Variants in AOAH observed in about 807,000 individuals in gnomAD.
The protein encoded by AOAH is acyloxyacyl hydrolase (neutrophil).
AOAH carries 64 observed loss-of-function variants against 92.2 expected under a neutral mutation model. That is an observed-to-expected ratio of 0.69 (90% confidence interval 0.57 to 0.86). The LOEUF (loss-of-function observed/expected upper bound fraction) is 0.86, where lower values mean the gene tolerates loss of function less well. Among genes scored for constraint, AOAH ranks in the 40% least tolerant of loss-of-function variants. The probability of loss-of-function intolerance (pLI) is 0.00; values close to 1 mark genes in which losing one functional copy is unlikely to be tolerated. For synonymous variants in AOAH, 263 were observed against 254.5 expected (o/e 1.03, Z -0.32); for missense variants, 656 against 694.6 (o/e 0.94, Z 0.62).
intron 19 of AOAH, among the ~76,000 whole-genome samples, chr7:36,524,649 C>A (rs1784300519): frequency 6.6e-6 from 1 of 151,804 alleles, no homozygotes; most frequent in Non-Finnish European, 1.5e-5. Context: ...GCACTTCAGC[C>A]CGGGAGACAG....
At chr7:36,526,967 G>A (rs935020010) in intron 19 of AOAH, among the ~76,000 whole-genome samples, 8 of 152,230 alleles carry the variant, frequency 5.3e-5, no homozygotes, top group Non-Finnish European at 1.2e-4. Flanking sequence ...AGGGCAGCTG[G>A]AGGTATATTT....
rs137960100 is a variant in AOAH at position 36,616,208 on chromosome 7, C to G, written c.846+172G>C. On this transcript the variant is annotated intron_variant, in intron 11 of 20. Coordinates refer to ENST00000617537, the MANE Select transcript of AOAH (RefSeq NM_001637.4). ...AGGCTGGGGAGGTGAGTAGAAGGAACCTTTTGCCATTTGTCTAGGACTGAA... is the reference window on the plus strand; with the variant it reads ...AGGCTGGGGAGGTGAGTAGAAGGAAGCTTTTGCCATTTGTCTAGGACTGAA... Among the ~76,000 whole-genome samples the G allele has an allele frequency of 2.0e-3, 302 of 152,260 alleles. 6 individuals are homozygous for G. The East Asian group carries it at 0.043, about 21-fold the overall frequency.
intron 11 of AOAH, among the ~76,000 whole-genome samples, chr7:36,615,806 T>C (rs1400368460): frequency 6.6e-6 from 1 of 152,040 alleles, no homozygotes; most frequent in African/African-American, 2.4e-5. Context: ...TGATATAGAG[T>C]CAATAAATGT....
At chr7:36,687,586 G>T (rs377175086) in intron 1 of AOAH, among the ~76,000 whole-genome samples, 2 of 151,176 alleles carry the variant, frequency 1.3e-5, no homozygotes, top group East Asian at 3.9e-4. Context: ...GTATAAACAA[G>T]TGGTTGGTCA....
At chr7:36,534,004 GT>G (rs1784858758) in intron 16 of AOAH, among the ~76,000 whole-genome samples, 1 of 152,080 alleles carries the variant, frequency 6.6e-6, no homozygotes, top group South Asian at 2.1e-4. Flanking sequence ...GCCCTGGTGT[GT>G]CCCCTCCCCC....
At chr7:36,648,021 G>A (rs1158106076) in intron 4 of AOAH, among the ~76,000 whole-genome samples, 1 of 151,812 alleles carries the variant, frequency 6.6e-6, no homozygotes, top group African/African-American at 2.4e-5. Flanking sequence ...AGTAGAGATG[G>A]GGGTTTCACC....
intron 2 of AOAH, among the ~76,000 whole-genome samples, chr7:36,678,578 TGTGTGTGTGTGTGTGTGTGTGTGC>T (rs1026252633): frequency 7.8e-6 from 1 of 127,448 alleles, no homozygotes; most frequent in Non-Finnish European, 1.6e-5. Context: ...TGTGTGTGTG[TGTGTGTGTGTGTGTGTGTGTGTGC>T]GCGCGCGCGC....
At chr7:36,710,444 G>A (rs901616542) in intron 1 of AOAH, among the ~76,000 whole-genome samples, 2 of 152,180 alleles carry the variant, frequency 1.3e-5, no homozygotes, top group Middle Eastern at 3.2e-3. Flanking sequence ...GCAAGGAACC[G>A]TATTCTGCCA....
At chr7:36,556,664 G>A in intron 13 of AOAH, among the ~76,000 whole-genome samples, 1 of 141,046 alleles carries the variant, frequency 7.1e-6, no homozygotes, top group Non-Finnish European at 1.5e-5. Flanking sequence ...GAATCTGGGT[G>A]CTCCTGTATT....
intron 13 of AOAH, among the ~76,000 whole-genome samples, chr7:36,567,228 C>T (rs1197587066): frequency 2.6e-5 from 4 of 152,216 alleles, no homozygotes; most frequent in Non-Finnish European, 4.4e-5. Context: ...ATTGAGGTTG[C>T]TGCAGGCTCA....
rs1790155709 is a variant in AOAH, at chr7:36,513,369, C to T, written c.1611G>A (p.Leu537=). 3.1e-6 allele frequency: 5 copies of T among 1,613,844 alleles called. No individual in the cohort carries two copies. The highest frequency in any genetic ancestry group is 1.7e-4 in the Middle Eastern group (1 of 6,058). The change falls in exon 21 of 21, where the codon CTG becomes CTA. Residue 537 remains leucine (L), a synonymous_variant. Transcript: ENST00000617537. ...TTTTCCAGAAATGATCCGCCAACAA[C>T]AGCAAAGCCACCTGTGAGAGAGAAC... is the stretch of plus-strand genomic sequence containing the variant. ...DGFHPNEVAL[L]LLADHFWKKV...
At position 36,614,712 on chromosome 7, in the gene AOAH, A is replaced by G. The variant is rs73340103; in HGVS notation, c.846+1668T>C. 0.029 allele frequency among the ~76,000 whole-genome samples: 4,480 copies of G among 152,274 alleles called. 227 individuals carry two copies. The highest frequency in any genetic ancestry group is 0.1 in the African/African-American group (4,191 of 41,538). On this transcript the variant is annotated intron_variant, in intron 11 of 20. Transcript: ENST00000617537. The surrounding 1 kb of genome is among the most constrained non-coding windows in gnomAD (Gnocchi z 4.2). ...GGGAATCTGGGCACAGGCAAGAGGA[A>G]GATTGGGGTTGGGCATGGTGGCAGC...
intron 1 of AOAH, among the ~76,000 whole-genome samples, chr7:36,709,735 T>C (rs1584169384): frequency 1.3e-5 from 2 of 152,054 alleles, no homozygotes; most frequent in East Asian, 1.9e-4. Flanking sequence ...TTTCCTAACA[T>C]TGAAAAACAA....
chr7:36,522,199 C>G lies in AOAH; in HGVS notation c.1523-84G>C, dbSNP rs1784140603. On this transcript the variant is annotated intron_variant, in intron 19 of 20. Coordinates refer to ENST00000617537, the MANE Select transcript of AOAH (RefSeq NM_001637.4). ...CAAGGACAAGGACGTGAGAACTGCCCATGCCCTCCCGGGCCCATGTTGACC... is the reference window on the plus strand; with the variant it reads ...CAAGGACAAGGACGTGAGAACTGCCGATGCCCTCCCGGGCCCATGTTGACC... The G allele has an allele frequency of 8.4e-6, 11 of 1,313,726 alleles. No homozygotes were observed. The Admixed American group carries it at 1.6e-4, about 19-fold the overall frequency. The allele number at this position is 1,313,726 out of a possible 1,614,324, so 81.4% of individuals were successfully genotyped here. A position where few individuals can be genotyped will look rare whatever the true frequency, so the allele number is the denominator to read the frequency against.
In AOAH at chr7:36,543,566, A is replaced by T. The variant is rs980946792; in HGVS notation, c.1134-3075T>A. Among the ~76,000 whole-genome samples the T allele has an allele frequency of 2.0e-5, 3 of 151,438 alleles. No individual in the cohort carries two copies. In the East Asian group the frequency reaches 5.8e-4, roughly 29 times the overall value. ...AGTTAAGATGGACAAAGTCTCCCCA[A>T]ATCCACACTGAATAATTTTTTTTTT... On this transcript the variant is annotated intron_variant, in intron 15 of 20. Coordinates refer to ENST00000617537, the MANE Select transcript of AOAH (RefSeq NM_001637.4).
At chr7:36,531,669 G>T (rs1456672990) in intron 18 of AOAH, among the ~76,000 whole-genome samples, 1 of 152,140 alleles carries the variant, frequency 6.6e-6, no homozygotes, top group Non-Finnish European at 1.5e-5. Context: ...TTTACAAAGA[G>T]ATTATTCGCC....
chr7:36,611,274 G>A (rs896441266), intron 11 of AOAH, among the ~76,000 whole-genome samples: 4 of 152,094 alleles, frequency 2.6e-5, no homozygotes, highest in Admixed American at 6.6e-5. Context: ...CCTCCTACCC[G>A]TAGTGTTATT....
intron 15 of AOAH, among the ~76,000 whole-genome samples, chr7:36,543,857 C>T (rs1022603625): frequency 7.2e-5 from 11 of 152,054 alleles, no homozygotes; most frequent in East Asian, 1.9e-4. Context: ...ATTCATGGGA[C>T]GATCACCCCT....
intron 20 of AOAH, among the ~76,000 whole-genome samples, chr7:36,521,545 G>A (rs1784107497): frequency 6.6e-6 from 1 of 152,170 alleles, no homozygotes; most frequent in Admixed American, 6.5e-5. Context: ...ATGAGAAACA[G>A]CTCTTACTGC....
Sources: allele counts gnomAD v4.1 joint callset (sites outside exome capture counted in the v4.1 genomes callset), GRCh38; gene constraint gnomAD v4.1.1; non-coding constraint Gnocchi (gnomAD v3.1); transcripts MANE v1.5; gene names NCBI Gene and HGNC (gene_info 2026-07-23, HGNC 2026-07-21).